The following CDK15 variants were observed in gnomAD, a reference collection of about 807,000 sequenced individuals.
The protein encoded by CDK15 is cyclin-dependent kinase 15.
In CDK15, 62 loss-of-function variants were observed where a neutral mutation model predicts 60.3. That is an observed-to-expected ratio of 1.03 (90% CI 0.84 to 1.27). The LOEUF is 1.27. Ranked by LOEUF, CDK15 falls within the 50% of genes most tolerant of loss-of-function variation. The probability of loss-of-function intolerance (pLI) is 0.00; values close to 1 mark genes in which losing one functional copy is unlikely to be tolerated. For missense variants in CDK15, 541 were observed against 527.8 expected (o/e 1.03, Z -0.25); for synonymous variants, 194 against 195.7 (o/e 0.99, Z 0.07).
At chr2:201,835,904 TATTTATA>T (rs1454037056) in intron 8 of CDK15, 141 bp downstream of exon 8, 6 of 226,056 alleles carry the variant, frequency 2.7e-5, no homozygotes, top group Non-Finnish European at 4.3e-5. Flanking sequence ...ATTTTATATA[TATTTATA>T]TAGTTATATA....
chr2:201,863,623 G>A (rs980200258), intron 10 of CDK15, among the ~76,000 whole-genome samples: 4 of 151,840 alleles, frequency 2.6e-5, no homozygotes, highest in Non-Finnish European at 4.4e-5. Context: ...AGGCCGAGGC[G>A]GGCGGATCAC....
At chr2:201,851,309 A>G (rs892108601) in intron 9 of CDK15, among the ~76,000 whole-genome samples, 3 of 151,326 alleles carry the variant, frequency 2.0e-5, no homozygotes, top group African/African-American at 7.3e-5. Flanking sequence ...AAAAAAAAAA[A>G]AAAAAAAAGA....
chr2:201,808,037 TAGA>T (rs1695597677), intron 3 of CDK15, 85 bp downstream of exon 3: 2 of 1,125,034 alleles, frequency 1.8e-6, no homozygotes, highest in Non-Finnish European at 2.6e-6. Context: ...TGAGACATCA[TAGA>T]AGTTCATAGC....
At chr2:201,843,375 C>T (rs1249545504) in intron 8 of CDK15, among the ~76,000 whole-genome samples, 2 of 151,936 alleles carry the variant, frequency 1.3e-5, no homozygotes, top group African/African-American at 4.8e-5. Flanking sequence ...TTGGTAGAGA[C>T]GGGGTTTCAC....
intron 11 of CDK15, among the ~76,000 whole-genome samples, chr2:201,877,230 G>C (rs1254490659): frequency 6.6e-6 from 1 of 152,154 alleles, no homozygotes; most frequent in Non-Finnish European, 1.5e-5. Context: ...GCTAACACAA[G>C]TTTAAAACAG....
intron 11 of CDK15, among the ~76,000 whole-genome samples, chr2:201,876,138 A>G (rs746915280): frequency 6.6e-6 from 1 of 152,126 alleles, no homozygotes; most frequent in Non-Finnish European, 1.5e-5. Flanking sequence ...TTTTATGCCA[A>G]TGTTTATTTT....
Position 201,889,221 on chromosome 2 carries a change from C to T in CDK15, c.1199-1564C>T, listed in dbSNP as rs1484193484. 9 of 985,240 alleles carry T rather than the reference C, an allele frequency of 9.1e-6. No homozygotes were observed. In the Admixed American group the frequency reaches 5.5e-4, roughly 61 times the overall value. 61.0% of individuals were successfully genotyped at this position (985,240 alleles called of 1,614,324 possible). ...TTTTATGCTTTTGGTGCAGTAATAA[C>T]AGAAGGCTCTCTTTTTGTTAAATTG... is the stretch of plus-strand genomic sequence containing the variant. On this transcript the variant is annotated intron_variant, in intron 12 of 13. Coordinates refer to ENST00000652192, the MANE Select transcript of CDK15 (RefSeq NM_001366386.2).
At position 201,856,941 on chromosome 2, in the gene CDK15, C is replaced by T. The variant is rs540066705; in HGVS notation, c.1009+2004C>T. Among the ~76,000 whole-genome samples the T allele has an allele frequency of 3.4e-3, 388 of 115,302 alleles. 71 individuals are homozygous for T. Among genetic ancestry groups the T allele is most frequent in the Middle Eastern group, 7.9e-3 (2 of 254 alleles). 75.6% of individuals were successfully genotyped at this position (115,302 alleles called of 152,430 possible). On this transcript the variant is annotated intron_variant, in intron 10 of 13. Transcript: ENST00000652192. Reference sequence around the variant, plus strand: ...TGTGCTTAATAAGATAACTGGGTTCCGGCCGGGCGCGGTGGCTCACGCCTG... The same window carrying T: ...TGTGCTTAATAAGATAACTGGGTTCTGGCCGGGCGCGGTGGCTCACGCCTG...
At chr2:201,857,600 G>A (rs576485886) in intron 10 of CDK15, among the ~76,000 whole-genome samples, 4 of 152,252 alleles carry the variant, frequency 2.6e-5, no homozygotes, top group Non-Finnish European at 5.9e-5. Context: ...TCCATGGCTT[G>A]GAGAGTTTGT....
chr2:201,858,616 C>T (rs1482650590), intron 10 of CDK15, among the ~76,000 whole-genome samples: 2 of 152,032 alleles, frequency 1.3e-5, no homozygotes, highest in Non-Finnish European at 2.9e-5. Context: ...GCTTTCAGAG[C>T]AATATATCCA....
chr2:201,844,607 A>G (rs1393737062), intron 8 of CDK15, among the ~76,000 whole-genome samples: 1 of 152,228 alleles, frequency 6.6e-6, no homozygotes, highest in Non-Finnish European at 1.5e-5. Context: ...TTATCTGATC[A>G]AAATTCTTGT....
chr2:201,833,821 C>T (rs1293081587), intron 6 of CDK15, 27 bp from the exon 7 acceptor site: 1 of 1,607,880 alleles, frequency 6.2e-7, no homozygotes, highest in East Asian at 2.3e-5. Flanking sequence ...CTCAAATCTC[C>T]TTATGGATAG....
At chr2:201,837,103 GC>G (rs1293209638) in intron 8 of CDK15, among the ~76,000 whole-genome samples, 1 of 151,838 alleles carries the variant, frequency 6.6e-6, no homozygotes, top group Non-Finnish European at 1.5e-5. Flanking sequence ...TTTAAGATCA[GC>G]CTGGGTAGCA....
intron 4 of CDK15, among the ~76,000 whole-genome samples, chr2:201,816,454 GGTT>G (rs1473518789): frequency 2.1e-4 from 18 of 84,272 alleles, no homozygotes; most frequent in South Asian, 1.0e-3. Context: ...CTAAGGAAAT[GGTT>G]TTTTTTTTTT....
At chr2:201,888,527 G>T in intron 12 of CDK15, 2 of 1,514,626 alleles carry the variant, frequency 1.3e-6, no homozygotes, top group South Asian at 1.3e-5. Flanking sequence ...AGAGTGGAAG[G>T]TTTTGCATTT....
intron 12 of CDK15, among the ~76,000 whole-genome samples, chr2:201,883,331 G>GT (rs1256076676): frequency 1.3e-5 from 2 of 152,190 alleles, no homozygotes; most frequent in African/African-American, 4.8e-5. Context: ...TACGTGGAGA[G>GT]TGGAAGGACA....
chr2:201,822,997 A>C, intron 5 of CDK15, 94 bp downstream of exon 5: 1 of 786,798 alleles, frequency 1.3e-6, no homozygotes, highest in Non-Finnish European at 2.2e-6. Context: ...TAAAACTTTT[A>C]TTATAATGTG....
At chr2:201,891,112 A>G (rs1170000267) in intron 13 of CDK15, among the ~76,000 whole-genome samples, 185 bp downstream of exon 13, 4 of 152,208 alleles carry the variant, frequency 2.6e-5, no homozygotes, top group Non-Finnish European at 1.5e-5. Flanking sequence ...AAAGAGAATA[A>G]TTACATGCAT....
chr2:201,876,603 G>C (rs1699088400), intron 11 of CDK15: 1 of 1,286,586 alleles, frequency 7.8e-7, no homozygotes. Context: ...AAGTGCAGCA[G>C]TCATAGTTCA....
Sources: allele counts gnomAD v4.1 joint callset (sites outside exome capture counted in the v4.1 genomes callset), GRCh38; gene constraint gnomAD v4.1.1; transcripts MANE v1.5; gene names NCBI Gene and HGNC (gene_info 2026-07-23, HGNC 2026-07-21).